The following SLC46A2 variants were observed in gnomAD, a reference collection of about 807,000 sequenced individuals.
SLC46A2 encodes the protein solute carrier family 46 member 2, also known as thymic stromal co-transporter.
A neutral mutation model predicts 33.1 loss-of-function variants in SLC46A2; 25 were observed. The observed-to-expected ratio is 0.76, with a 90% CI of 0.55 to 1.06. SLC46A2 has a LOEUF of 1.06. SLC46A2 is among the 50% of genes least tolerant of loss of function. SLC46A2 has a pLI of 0.00. For synonymous variants in SLC46A2, 254 were observed against 275.9 expected (o/e 0.92, Z 0.79); for missense variants, 622 against 621.7 (o/e 1.00, Z 0.00).
chr9:112,889,458 C>A, intron 1 of SLC46A2, 95 bp downstream of exon 1: 1 of 1,376,652 alleles, frequency 7.3e-7, no homozygotes, highest in Non-Finnish European at 9.9e-7. Flanking sequence ...ATCCCTGGTG[C>A]TGAGCTAGGA....
In SLC46A2 at chr9:112,889,958, C is replaced by A. The variant is rs764704312; in HGVS notation, c.724G>T (p.Ala242Ser). Reference protein sequence around the residue: ...SVAKPSQELPAVDTVSGTVGT... With the variant: ...SVAKPSQELPSVDTVSGTVGT... ...ACCGTGCCAGACACGGTATCCACGG[C>A]GGGGAGCTCCTGGCTGGGTTTGGCC... is the stretch of plus-strand genomic sequence containing the variant. Residue 242 changes from alanine (A) to serine (S), a missense_variant, in exon 1 of 4, where the codon GCC (alanine) becomes TCC (serine). By Grantham distance (99) the Ala-to-Ser change is moderately conservative. Transcript: ENST00000374228. 22 of 1,614,126 alleles carry A rather than the reference C, an allele frequency of 1.4e-5. No individual in the cohort carries two copies. The highest frequency in any genetic ancestry group is 3.3e-4 in the Middle Eastern group (2 of 6,062).
chr9:112,882,139 C>G (rs543237023), intron 3 of SLC46A2, among the ~76,000 whole-genome samples: 3 of 152,248 alleles, frequency 2.0e-5, no homozygotes, highest in African/African-American at 7.2e-5. Flanking sequence ...CAGAGTCTTG[C>G]TCTGTCACCC....
intron 3 of SLC46A2, chr9:112,881,563 T>C (rs770263169): frequency 3.3e-5 from 5 of 152,350 alleles, no homozygotes; most frequent in Non-Finnish European, 7.3e-5. Context: ...CCCAGGCAGC[T>C]CTGGGGTGTG....
In SLC46A2 at chr9:112,889,932, A is replaced by G. The variant is rs756670957; in HGVS notation, c.750T>C (p.Val250=). 6.2e-7 allele frequency: 1 copy of G among 1,614,246 alleles called. No homozygotes were observed. Among genetic ancestry groups the G allele is most frequent in the Admixed American group, 1.7e-5 (1 of 60,026 alleles). The stretch of plus-strand genomic sequence containing the variant: ...CAGGATCCAGAGTGCGGTATGTGCC[A>G]ACCGTGCCAGACACGGTATCCACGG... ...LPAVDTVSGT[V]GTYRTLDPDQ... is the part of the protein sequence containing the mutation. The change falls in exon 1 of 4, where the codon GTT becomes GTC. Residue 250 remains valine, a synonymous_variant. Coordinates refer to ENST00000374228, the MANE Select transcript of SLC46A2 (RefSeq NM_033051.4).
intron 3 of SLC46A2, 62 bp downstream of exon 3, chr9:112,886,398 A>G: frequency 6.3e-7 from 1 of 1,576,986 alleles, no homozygotes; most frequent in East Asian, 2.2e-5. Context: ...GAGAAGGTCC[A>G]ACATTCCTTG....
intron 3 of SLC46A2, chr9:112,885,779 T>C (rs1009385124): frequency 6.6e-6 from 1 of 152,224 alleles, no homozygotes; most frequent in Non-Finnish European, 1.5e-5. Flanking sequence ...ACTTTTCTCT[T>C]TTTAAAATGT....
At chr9:112,879,921 G>A (rs56011620) in intron 3 of SLC46A2, 102 bp from the exon 4 acceptor site, 190,459 of 1,110,754 alleles carry the variant, frequency 0.17, 17,204 homozygotes, top group Non-Finnish European at 0.19. Context: ...CAGGCTTTAG[G>A]CAAAATCATA....
chr9:112,881,891 A>G (rs1320614631), intron 3 of SLC46A2, among the ~76,000 whole-genome samples: 1 of 152,112 alleles, frequency 6.6e-6, no homozygotes, highest in South Asian at 2.1e-4. Context: ...GGTTAGGAAA[A>G]TTCTCTTTGA....
chr9:112,885,669 TAAG>T (rs781008958), intron 3 of SLC46A2: 14 of 152,120 alleles, frequency 9.2e-5, no homozygotes, highest in South Asian at 2.1e-4. Flanking sequence ...TTAGTGTAAA[TAAG>T]AAGTGAAATA....
rs146092121 is a variant in SLC46A2 at position 112,880,203 on chromosome 9, C to T, written c.1371-384G>A. On this transcript the variant is annotated intron_variant, in intron 3 of 3. Transcript: ENST00000374228. ...AAAATTAGCTGGGCATGGTGGCAGG[C>T]GCTTGTAATCCCAGCTACTCGGGAT... 1,480 of 156,812 alleles carry T rather than the reference C, an allele frequency of 9.4e-3. 12 individuals carry two copies. The highest frequency in any genetic ancestry group is 0.013 in the Non-Finnish European group (902 of 71,104). 9.7% of individuals were successfully genotyped at this position (156,812 alleles called of 1,614,324 possible). A position where few individuals can be genotyped will look rare whatever the true frequency, so the allele number is the denominator to read the frequency against.
At chr9:112,882,427 A>G (rs1302805101) in intron 3 of SLC46A2, among the ~76,000 whole-genome samples, 2 of 152,110 alleles carry the variant, frequency 1.3e-5, no homozygotes, top group African/African-American at 4.8e-5. Context: ...GTTTTATCCT[A>G]AGAGCAATGA....
In SLC46A2 at chr9:112,889,791, C is replaced by T; in HGVS notation, c.891G>A (p.Val297=). The change falls in exon 1 of 4, where the codon GTG becomes GTA. Residue 297 remains valine, a synonymous_variant. Coordinates refer to ENST00000374228, the MANE Select transcript of SLC46A2 (RefSeq NM_033051.4). Reference sequence around the variant, plus strand: ...GAGGGATCACGTCCACTGTGCCCACCACCGCCAGGTCATATATGATAGCAC... The same window carrying T: ...GAGGGATCACGTCCACTGTGCCCACTACCGCCAGGTCATATATGATAGCAC... ...FVGAIIYDLA[V]VGTVDVIPLF... is the part of the protein sequence containing the mutation. 1 of 1,614,182 alleles carries T rather than the reference C, an allele frequency of 6.2e-7. No individual in the cohort carries two copies. The highest frequency in any genetic ancestry group is 8.5e-7 in the Non-Finnish European group (1 of 1,180,036).
chr9:112,887,607 T>G lies in SLC46A2; in HGVS notation c.1130-194A>C, dbSNP rs376584044. Among the ~76,000 whole-genome samples, 8 of 152,324 alleles carry G rather than the reference T, an allele frequency of 5.3e-5. No homozygotes were observed. The South Asian group carries it at 1.7e-3, about 32-fold the overall frequency. On this transcript the variant is annotated intron_variant, in intron 1 of 3. Coordinates refer to ENST00000374228, the MANE Select transcript of SLC46A2 (RefSeq NM_033051.4). ...GTGACCCTCTGAGCTCTGATGCTGC[T>G]GTGTATGCTGCATATCAGTCTGCAA...
chr9:112,890,831 A>C lies in SLC46A2; in HGVS notation c.-150T>G, dbSNP rs932689385. The C allele has an allele frequency of 1.1e-6, 1 of 882,056 alleles. No individual in the cohort carries two copies. The highest frequency in any genetic ancestry group is 1.8e-5 in the African/African-American group (1 of 56,442). The allele number at this position is 882,056 out of a possible 1,614,324, so 54.6% of individuals were successfully genotyped here. A position where few individuals can be genotyped will look rare whatever the true frequency, so the allele number is the denominator to read the frequency against. On this transcript the variant is annotated 5_prime_UTR_variant, in exon 1 of 4. Transcript: ENST00000374228. The surrounding 1 kb of genome is among the most constrained non-coding windows in gnomAD (Gnocchi z 6.0). Reference sequence around the variant, plus strand: ...GCGCGAGTGTGCTCCGTGCGCCGGGAGCGCGCCGGCCAGTGGCGAGCAGAG... The same window carrying C: ...GCGCGAGTGTGCTCCGTGCGCCGGGCGCGCGCCGGCCAGTGGCGAGCAGAG...
chr9:112,885,961 C>G (rs909394152), intron 3 of SLC46A2, among the ~76,000 whole-genome samples: 5 of 152,124 alleles, frequency 3.3e-5, no homozygotes, highest in Admixed American at 2.6e-4. Flanking sequence ...GACAATTCCC[C>G]CAGAGAAGTC....
In SLC46A2 at chr9:112,890,186, C is replaced by T. The variant is rs778460347; in HGVS notation, c.496G>A (p.Glu166Lys). The T allele has an allele frequency of 1.9e-6, 3 of 1,612,938 alleles. No homozygotes were observed. Among genetic ancestry groups the T allele is most frequent in the Non-Finnish European group, 2.5e-6 (3 of 1,179,872 alleles). ...ATGAGGCGCACAGAGCGGCGGCCCT[C>T]GGAGGAGCCCAGCGATCCCAGCGCC... ...VMALGSLGSS[E>K]GRRSVRLILI... The change falls in exon 1 of 4, where the codon GAG becomes AAG. Residue 166 changes from glutamate to lysine, a missense_variant. Coordinates refer to ENST00000374228, the MANE Select transcript of SLC46A2 (RefSeq NM_033051.4). This position sits in a 1 kb window ranked among gnomAD's most constrained non-coding sequence, Gnocchi z 6.0.
Position 112,890,108 on chromosome 9 carries a change from C to A in SLC46A2, c.574G>T (p.Gly192Trp). ...CCAGCCATCTGCTTGAAGAGATGCC[C>A]GGAAGCCATGCTCCCGCAGAACCCC... is the stretch of plus-strand genomic sequence containing the variant. ...LAGFCGSMAS[G>W]HLFKQMAGHS... Residue 192 changes from glycine to tryptophan, a missense_variant, in exon 1 of 4, where the codon GGG becomes TGG. Gly to Trp is a radical substitution (Grantham distance 184, BLOSUM62 -2). Coordinates refer to ENST00000374228, the MANE Select transcript of SLC46A2 (RefSeq NM_033051.4). This position sits in a 1 kb window ranked among gnomAD's most constrained non-coding sequence, Gnocchi z 6.0. The A allele has an allele frequency of 6.2e-7, 1 of 1,613,388 alleles. No individual in the cohort carries two copies. Among genetic ancestry groups the A allele is most frequent in the Non-Finnish European group, 8.5e-7 (1 of 1,179,902 alleles).
intron 3 of SLC46A2, among the ~76,000 whole-genome samples, chr9:112,885,962 C>G (rs1243692420): frequency 6.6e-6 from 1 of 152,156 alleles, no homozygotes; most frequent in Non-Finnish European, 1.5e-5. Flanking sequence ...ACAATTCCCC[C>G]AGAGAAGTCA....
In SLC46A2 at chr9:112,890,374, T is replaced by C. The variant is rs1323810855; in HGVS notation, c.308A>G (p.Tyr103Cys). The part of the protein sequence containing the change: ...AYGLGWLSDR[Y>C]HRKISICMSL... ...CATGCAGATGGAGATCTTTCGGTGG[T>C]AGCGGTCGCTGAGCCATCCCAGCCC... The change falls in exon 1 of 4, where the codon TAC becomes TGC. Residue 103 changes from tyrosine to cysteine, a missense_variant. Tyr to Cys is a radical substitution (Grantham distance 194). Coordinates refer to ENST00000374228, the MANE Select transcript of SLC46A2 (RefSeq NM_033051.4). The surrounding 1 kb of genome is among the most constrained non-coding windows in gnomAD (Gnocchi z 6.0). The C allele has an allele frequency of 6.2e-7, 1 of 1,613,894 alleles. No homozygotes were observed. Among genetic ancestry groups the C allele is most frequent in the Non-Finnish European group, 8.5e-7 (1 of 1,179,994 alleles).
Sources: gnomAD v4.1 joint callset for allele counts (sites outside exome capture counted in the v4.1 genomes callset) on GRCh38, gnomAD v4.1.1 for gene constraint, Gnocchi (gnomAD v3.1) non-coding constraint, MANE v1.5 for transcripts, NCBI Gene and HGNC (gene_info 2026-07-23, HGNC 2026-07-21) for gene names.